SLC37A3: variants seen among roughly 807,000 people sequenced by gnomAD.
SLC37A3 encodes the protein solute carrier family 37 member 3.
SLC37A3 carries 51 observed loss-of-function variants against 67.1 expected under a neutral mutation model. That is an observed-to-expected ratio of 0.76 (90% CI 0.61 to 0.96). The LOEUF (loss-of-function observed/expected upper bound fraction) is 0.96. SLC37A3 is among the 40% of genes least tolerant of loss of function. The pLI, the probability that SLC37A3 is intolerant of heterozygous loss-of-function variation, is 0.00. For synonymous variants in SLC37A3, 214 were observed against 231.4 expected, an observed-to-expected ratio of 0.92 and a Z score of 0.68; for missense variants, 508 against 603.0, an observed-to-expected ratio of 0.84 and a Z score of 1.65.
At chr7:140,359,719 T>A (rs554112166) in intron 5 of SLC37A3, among the ~76,000 whole-genome samples, 5 of 152,182 alleles carry the variant, frequency 3.3e-5, no homozygotes, top group Admixed American at 6.5e-5. Context: ...ATAGTATGTA[T>A]AATACTGTCT....
intron 5 of SLC37A3, among the ~76,000 whole-genome samples, chr7:140,359,521 G>A (rs1419324289): frequency 6.6e-6 from 1 of 152,122 alleles, no homozygotes; most frequent in Non-Finnish European, 1.5e-5. Context: ...GGCACGGGGC[G>A]CATGCCAGCC....
At chr7:140,357,658 T>C (rs142795557) in intron 6 of SLC37A3, among the ~76,000 whole-genome samples, 227 of 151,982 alleles carry the variant, frequency 1.5e-3, no homozygotes, top group Middle Eastern at 6.8e-3. Flanking sequence ...GGCTCATGCC[T>C]GTAATCCCAG....
chr7:140,374,039 C>T (rs1797925997), intron 3 of SLC37A3, among the ~76,000 whole-genome samples: 1 of 152,146 alleles, frequency 6.6e-6, no homozygotes. Context: ...AAATTCTCAG[C>T]TTTAATTTCT....
At chr7:140,359,756 T>A (rs952475203) in intron 5 of SLC37A3, among the ~76,000 whole-genome samples, 2 of 152,088 alleles carry the variant, frequency 1.3e-5, no homozygotes, top group African/African-American at 4.8e-5. Flanking sequence ...CATTCTGGAA[T>A]AAGTAAAACT....
chr7:140,362,569 G>A (rs1388514318), intron 5 of SLC37A3, among the ~76,000 whole-genome samples: 6 of 112,006 alleles, frequency 5.4e-5, no homozygotes, highest in East Asian at 3.0e-4. Context: ...CCCCCCGCCC[G>A]GCCAGCCGCC....
chr7:140,358,035 C>T (rs1797105841), intron 6 of SLC37A3, among the ~76,000 whole-genome samples: 1 of 152,056 alleles, frequency 6.6e-6, no homozygotes, highest in South Asian at 2.1e-4. Context: ...GAGATCACCC[C>T]ACTGCACTCC....
At chr7:140,380,424 G>T (rs1798206977) in intron 2 of SLC37A3, 34 bp from the exon 3 acceptor site, 1 of 1,422,504 alleles carries the variant, frequency 7.0e-7, no homozygotes, top group Non-Finnish European at 9.9e-7. Flanking sequence ...TGAATGAATA[G>T]CAAAGAGAAA....
chr7:140,387,199 T>G (rs2129883495), intron 1 of SLC37A3, among the ~76,000 whole-genome samples: 1 of 152,104 alleles, frequency 6.6e-6, no homozygotes, highest in East Asian at 1.9e-4. Flanking sequence ...TGGCTCACAG[T>G]GGCTCACAGG....
At chr7:140,356,965 C>A (rs1280851805) in intron 6 of SLC37A3, among the ~76,000 whole-genome samples, 1 of 152,102 alleles carries the variant, frequency 6.6e-6, no homozygotes, top group East Asian at 1.9e-4. Context: ...ATAGTCCCAG[C>A]ACTTTGGGAG....
intron 1 of SLC37A3, among the ~76,000 whole-genome samples, chr7:140,382,812 A>G (rs1405730846): frequency 6.6e-6 from 1 of 152,066 alleles, no homozygotes; most frequent in African/African-American, 2.4e-5. Context: ...TTATATCTTA[A>G]TAGAAAGAGC....
intron 4 of SLC37A3, among the ~76,000 whole-genome samples, chr7:140,367,775 C>T (rs568913392): frequency 5.3e-5 from 8 of 151,810 alleles, no homozygotes; most frequent in South Asian, 2.1e-4. Context: ...TCCTCGCCAC[C>T]GTGGAATGTC....
rs139093032 is a variant in SLC37A3 at position 140,391,714 on chromosome 7, T to A, written c.-71+6702A>T. The stretch of plus-strand genomic sequence containing the variant: ...TAAACTATAAGTCTGCCTTTCTTCG[T>A]GGTCCAGGACATATACCCCTCCTGA... On this transcript the variant is annotated intron_variant, in intron 1 of 14. Transcript: ENST00000326232. Among the ~76,000 whole-genome samples the A allele has an allele frequency of 2.6e-5, 4 of 152,328 alleles. No homozygotes were observed. In the East Asian group the frequency reaches 7.7e-4, roughly 29 times the overall value.
At position 140,351,568 on chromosome 7, in the gene SLC37A3, C is replaced by G. The variant is rs1045848660; in HGVS notation, c.704-117G>C. The G allele has an allele frequency of 1.1e-5, 12 of 1,113,974 alleles. No individual in the cohort carries two copies. In the African/African-American group the frequency reaches 1.7e-4, roughly 16 times the overall value. 69.0% of individuals were successfully genotyped at this position (1,113,974 alleles called of 1,614,324 possible). On this transcript the variant is annotated intron_variant, in intron 8 of 14. Coordinates refer to ENST00000326232, the MANE Select transcript of SLC37A3 (RefSeq NM_207113.3). ...TATTTCCATTTTACAGAAGCAGCAACGAAGGTCCAGAGACCGAGGTCAACT... is the reference window on the plus strand; with the variant it reads ...TATTTCCATTTTACAGAAGCAGCAAGGAAGGTCCAGAGACCGAGGTCAACT...
intron 5 of SLC37A3, among the ~76,000 whole-genome samples, chr7:140,363,057 A>C (rs62490377): frequency 0.055 from 2,647 of 48,328 alleles, 74 homozygotes; most frequent in Admixed American, 0.057. Flanking sequence ...CCGCCCCGTC[A>C]GGGAGGGTGG....
rs1019559880 is a variant in SLC37A3 at position 140,353,258 on chromosome 7, G to A, written c.619-1112C>T. Among the ~76,000 whole-genome samples the A allele has an allele frequency of 2.6e-5, 4 of 151,938 alleles. 1 individual carries two copies. The highest frequency in any genetic ancestry group is 4.2e-4 in the South Asian group (2 of 4,806). ...AGCACTTTGGGAGGCCGAGGTGGGCGGATCACCTGAGGTCAGGAGTTCAAG... is the reference window on the plus strand; with the variant it reads ...AGCACTTTGGGAGGCCGAGGTGGGCAGATCACCTGAGGTCAGGAGTTCAAG... On this transcript the variant is annotated intron_variant, in intron 7 of 14. Coordinates refer to ENST00000326232, the MANE Select transcript of SLC37A3 (RefSeq NM_207113.3).
chr7:140,359,767 G>A (rs1797190572), intron 5 of SLC37A3, among the ~76,000 whole-genome samples: 1 of 152,104 alleles, frequency 6.6e-6, no homozygotes, highest in African/African-American at 2.4e-5. Context: ...AAGTAAAACT[G>A]TACACAGAAA....
In SLC37A3 at chr7:140,335,151, G is replaced by A; in HGVS notation, c.*261C>T. 7.0e-7 allele frequency: 1 copy of A among 1,425,552 alleles called. No individual in the cohort carries two copies. The allele number at this position is 1,425,552 out of a possible 1,614,324, so 88.3% of individuals were successfully genotyped here. A position where few individuals can be genotyped will look rare whatever the true frequency, so the allele number is the denominator to read the frequency against. ...AACAAAGACGCGGGCAGAGTCAGAG[G>A]TCAAAGATGCTGGCAGAGTCAGAAG... On this transcript the variant is annotated 3_prime_UTR_variant, in exon 15 of 15. Coordinates refer to ENST00000326232, the MANE Select transcript of SLC37A3 (RefSeq NM_207113.3).
intron 1 of SLC37A3, among the ~76,000 whole-genome samples, chr7:140,394,815 G>A (rs895213623): frequency 2.7e-5 from 4 of 150,680 alleles, no homozygotes; most frequent in African/African-American, 4.9e-5. Context: ...CACCATATTG[G>A]CAAGGCTGGT....
chr7:140,353,760 T>C (rs1458515307), intron 7 of SLC37A3, among the ~76,000 whole-genome samples: 2 of 151,992 alleles, frequency 1.3e-5, no homozygotes, highest in Admixed American at 1.3e-4. Context: ...TCACTCAGGC[T>C]GGAGTGCAAT....
Sources: gnomAD v4.1 joint callset for allele counts (sites outside exome capture counted in the v4.1 genomes callset) on GRCh38, gnomAD v4.1.1 for gene constraint, MANE v1.5 for transcripts, NCBI Gene and HGNC (gene_info 2026-07-23, HGNC 2026-07-21) for gene names.